The following ARHGEF3 variants were observed in gnomAD, a reference collection of about 807,000 sequenced individuals.
The protein encoded by ARHGEF3 is Rho guanine nucleotide exchange factor 3, also known as 59.8 kDA protein.
Under a neutral mutation model 63.2 loss-of-function variants are expected in ARHGEF3, and 28 were observed. The ratio of observed to expected loss-of-function variants is 0.44; its 90% confidence interval spans 0.33 to 0.61. The LOEUF (loss-of-function observed/expected upper bound fraction) is 0.61, where lower values mean the gene tolerates loss of function less well. Among genes scored for constraint, ARHGEF3 ranks in the 20% least tolerant of loss-of-function variants. ARHGEF3 has a pLI of 0.03. For synonymous variants in ARHGEF3, 266 were observed against 254.2 expected, an observed-to-expected ratio of 1.05 and a Z score of -0.44; for missense variants, 533 against 659.3, an observed-to-expected ratio of 0.81 and a Z score of 2.10.
intron 2 of ARHGEF3, among the ~76,000 whole-genome samples, chr3:56,995,591 C>A (rs1321456379): frequency 7.1e-6 from 1 of 140,834 alleles, no homozygotes; most frequent in Non-Finnish European, 1.5e-5. Flanking sequence ...AAAAGTCTGA[C>A]ACTAGGGGGC....
At chr3:56,961,961 C>T (rs965446444) in intron 2 of ARHGEF3, among the ~76,000 whole-genome samples, 5 of 152,196 alleles carry the variant, frequency 3.3e-5, no homozygotes, top group Non-Finnish European at 5.9e-5. Flanking sequence ...AGGAAGATTG[C>T]TTAAGCCCAG....
chr3:56,803,031 AT>A (rs1008187609), upstream of ARHGEF3, among the ~76,000 whole-genome samples: 1 of 152,040 alleles, frequency 6.6e-6, no homozygotes, highest in African/African-American at 2.4e-5. Flanking sequence ...TTAAAAAAAA[AT>A]ACAAGTTTAC....
chr3:56,762,485 G>A (rs1475221045), intron 2 of ARHGEF3, among the ~76,000 whole-genome samples: 5 of 152,132 alleles, frequency 3.3e-5, no homozygotes, highest in Admixed American at 3.3e-4. Context: ...GTCTGCCGGG[G>A]GTTGGGGGAC....
chr3:56,859,831 C>T (rs2040008923), intron 4 of ARHGEF3, among the ~76,000 whole-genome samples: 1 of 152,012 alleles, frequency 6.6e-6, no homozygotes, highest in Non-Finnish European at 1.5e-5. Context: ...AGCCACTACA[C>T]CCAGCCCCGT....
At chr3:57,079,253 C>T (rs1402441607) in exon 1 of ARHGEF3, 2 of 396,918 alleles carry the variant, frequency 5.0e-6, no homozygotes, top group Admixed American at 4.4e-5. Flanking sequence ...TTCGGCCTCT[C>T]CAGGCTGGAA....
chr3:56,979,721 C>T (rs1701254539), intron 2 of ARHGEF3, among the ~76,000 whole-genome samples: 1 of 152,220 alleles, frequency 6.6e-6, no homozygotes, highest in East Asian at 1.9e-4. Flanking sequence ...AGCCAGCCAA[C>T]GAGGATGTGA....
chr3:57,074,269 C>G, intron 1 of ARHGEF3: 2 of 1,604,572 alleles, frequency 1.2e-6, no homozygotes, highest in Non-Finnish European at 1.7e-6. Context: ...CATCTGTAAT[C>G]AATAATAATC....
rs1344494996 is a variant in ARHGEF3, at chr3:56,745,319, G to C, written c.756C>G (p.Leu252=). 6.2e-7 allele frequency: 1 copy of C among 1,613,996 alleles called. No individual in the cohort carries two copies. The highest frequency in any genetic ancestry group is 8.5e-7 in the Non-Finnish European group (1 of 1,180,048). ...LESPFSRKLD[L]WNFLDIPRSR... ...TTCTTGGAATATCGAGGAAATTCCAGAGATCTAGTTTGCGGCTAAAGGGGG... is the reference window on the plus strand; with the variant it reads ...TTCTTGGAATATCGAGGAAATTCCACAGATCTAGTTTGCGGCTAAAGGGGG... The change falls in exon 7 of 10, where the codon CTC becomes CTG. Residue 252 remains leucine (L), a synonymous_variant. Transcript: ENST00000296315.
At chr3:56,888,448 T>A (rs772281681) in intron 3 of ARHGEF3, among the ~76,000 whole-genome samples, 82 of 152,226 alleles carry the variant, frequency 5.4e-4, no homozygotes, top group South Asian at 1.2e-3. Flanking sequence ...GCCACGTGCC[T>A]ATATGGGGGT....
chr3:56,765,291 A>G (rs756041946), intron 2 of ARHGEF3, among the ~76,000 whole-genome samples: 1 of 152,114 alleles, frequency 6.6e-6, no homozygotes, highest in Non-Finnish European at 1.5e-5. Context: ...GTTTCCAGTG[A>G]TAAGCGGAAA....
chr3:56,931,547 G>C (rs1275433162), intron 3 of ARHGEF3, among the ~76,000 whole-genome samples: 1 of 114,332 alleles, frequency 8.7e-6, no homozygotes, highest in Non-Finnish European at 1.6e-5. Flanking sequence ...CTGCACTCCA[G>C]CCTGGGTGAC....
intron 3 of ARHGEF3, among the ~76,000 whole-genome samples, chr3:56,927,663 T>C (rs2042309039): frequency 6.6e-6 from 1 of 152,134 alleles, no homozygotes; most frequent in Non-Finnish European, 1.5e-5. Context: ...GGAGGTTCAA[T>C]GTCAGGGATA....
At chr3:57,061,317 C>G (rs1705212745) in intron 1 of ARHGEF3, among the ~76,000 whole-genome samples, 1 of 151,510 alleles carries the variant, frequency 6.6e-6, no homozygotes, top group Admixed American at 6.6e-5. Context: ...TTTTTTTTTG[C>G]AATGGGGTCT....
intron 2 of ARHGEF3, among the ~76,000 whole-genome samples, chr3:57,014,164 CTT>C (rs1448587567): frequency 6.6e-6 from 1 of 152,142 alleles, no homozygotes; most frequent in Non-Finnish European, 1.5e-5. Flanking sequence ...CAGCTTCACT[CTT>C]GAAGCCAGCA....
At chr3:56,922,024 C>T (rs1450981753) in intron 3 of ARHGEF3, among the ~76,000 whole-genome samples, 1 of 152,002 alleles carries the variant, frequency 6.6e-6, no homozygotes, top group Non-Finnish European at 1.5e-5. Flanking sequence ...AACCAGATTC[C>T]TCACATTATT....
chr3:56,879,186 A>G (rs527825011), intron 4 of ARHGEF3, among the ~76,000 whole-genome samples: 1 of 152,348 alleles, frequency 6.6e-6, no homozygotes, highest in South Asian at 2.1e-4. Flanking sequence ...CAATAAATGT[A>G]AAGTGCTTGA....
chr3:56,796,124 A>T (rs1455863222), intron 1 of ARHGEF3, among the ~76,000 whole-genome samples: 1 of 152,218 alleles, frequency 6.6e-6, no homozygotes, highest in African/African-American at 2.4e-5. Flanking sequence ...CAAATTATGG[A>T]AGGCAACTGC....
intron 2 of ARHGEF3, among the ~76,000 whole-genome samples, chr3:56,991,880 G>A (rs1701757785): frequency 1.3e-5 from 2 of 152,174 alleles, no homozygotes; most frequent in African/African-American, 4.8e-5. Context: ...CTCCCAAAGT[G>A]CTGGAATTAC....
At chr3:56,806,855 T>C (rs2037878806), upstream of ARHGEF3, among the ~76,000 whole-genome samples, 1 of 151,792 alleles carries the variant, frequency 6.6e-6, no homozygotes, top group Admixed American at 6.6e-5. Flanking sequence ...TTTGTCCTAT[T>C]AGCGTTATAT....
Sources: allele counts gnomAD v4.1 joint callset (sites outside exome capture counted in the v4.1 genomes callset), GRCh38; gene constraint gnomAD v4.1.1; transcripts MANE v1.5; gene names NCBI Gene and HGNC (gene_info 2026-07-23, HGNC 2026-07-21).